Variants in GANC observed in about 807,000 individuals in gnomAD.
GANC encodes glucosidase alpha, neutral C.
GANC carries 117 observed loss-of-function variants against 124.2 expected under a neutral mutation model. The observed-to-expected ratio is 0.94, with a 90% confidence interval of 0.81 to 1.10. The LOEUF is 1.10. Among genes scored for constraint, GANC ranks in the 50% least tolerant of loss-of-function variants. GANC has a pLI of 0.00. For synonymous variants in GANC, 377 were observed against 376.8 expected (o/e 1.00, Z -0.01); for missense variants, 1,140 against 1,095.0 (o/e 1.04, Z -0.58).
chr15:42,316,357 G>A (rs554722284), intron 10 of GANC, among the ~76,000 whole-genome samples: 66 of 152,158 alleles, frequency 4.3e-4, no homozygotes, highest in African/African-American at 1.5e-3. Context: ...GGCTGGGCGC[G>A]CTGATATTTA....
intron 11 of GANC, among the ~76,000 whole-genome samples, chr15:42,323,576 C>T (rs1393307689): frequency 2.0e-5 from 3 of 152,040 alleles, no homozygotes; most frequent in African/African-American, 2.4e-5. Context: ...GATCTCAGCT[C>T]ATTGCATCCT....
intron 6 of GANC, 147 bp from the exon 7 acceptor site, chr15:42,306,399 A>G: frequency 3.2e-6 from 2 of 620,488 alleles, no homozygotes; most frequent in Admixed American, 2.9e-5. Flanking sequence ...GATTTGTTAA[A>G]GGTACTGACG....
intron 2 of GANC, chr15:42,278,121 T>C (rs2051694401): frequency 6.3e-6 from 2 of 315,038 alleles, no homozygotes; most frequent in Non-Finnish European, 1.3e-5. Flanking sequence ...TTATATTTAA[T>C]ATCCACTAGA....
chr15:42,351,437 G>A lies in GANC; in HGVS notation c.2635+5G>A. On this transcript the variant is annotated splice_donor_5th_base_variant and intron_variant, in intron 23 of 23. Coordinates refer to ENST00000318010, the MANE Select transcript of GANC (RefSeq NM_198141.3). ...CTGTGACTACCCACTCATCTGGTGAGAAAGCAGTCCATTCTTACCTCACCA... is the reference window on the plus strand; with the variant it reads ...CTGTGACTACCCACTCATCTGGTGAAAAAGCAGTCCATTCTTACCTCACCA... 6.3e-7 allele frequency: 1 copy of A among 1,594,758 alleles called. No homozygotes were observed.
intron 3 of GANC, chr15:42,280,973 C>A (rs1166818980): frequency 2.8e-6 from 2 of 702,426 alleles, no homozygotes; most frequent in African/African-American, 3.5e-5. Context: ...GCAAAGAAAC[C>A]ACAGTCCAGG....
intron 13 of GANC, among the ~76,000 whole-genome samples, chr15:42,328,585 G>T (rs991807180): frequency 3.9e-5 from 6 of 152,032 alleles, no homozygotes; most frequent in Admixed American, 1.3e-4. Flanking sequence ...ATTCTGTGGG[G>T]TCTCAGAAGG....
intron 15 of GANC, among the ~76,000 whole-genome samples, chr15:42,331,847 T>A (rs1393921130): frequency 1.3e-5 from 2 of 152,056 alleles, no homozygotes; most frequent in Non-Finnish European, 2.9e-5. Flanking sequence ...AAATGGTAGA[T>A]TTAATTGCAT....
intron 2 of GANC, among the ~76,000 whole-genome samples, chr15:42,277,230 AC>A (rs1188856770): frequency 6.6e-6 from 1 of 152,198 alleles, no homozygotes; most frequent in African/African-American, 2.4e-5. Flanking sequence ...ACTCCTATCA[AC>A]ATTATATAAG....
chr15:42,294,606 C>T (rs1418586462), intron 5 of GANC, among the ~76,000 whole-genome samples: 1 of 149,944 alleles, frequency 6.7e-6, no homozygotes, highest in Non-Finnish European at 1.5e-5. Context: ...AATGTGTTTC[C>T]AGTTTTTTGT....
At chr15:42,276,806 A>AT (rs146546876) in intron 2 of GANC, among the ~76,000 whole-genome samples, 1 of 151,804 alleles carries the variant, frequency 6.6e-6, no homozygotes, top group Admixed American at 6.6e-5. Flanking sequence ...TCCTTCCAGT[A>AT]TTTTTTTGTA....
rs766588746 is a variant in GANC, at chr15:42,276,328, C to G, written c.30-20C>G. On this transcript the variant is annotated intron_variant, in intron 1 of 23. Coordinates refer to ENST00000318010, the MANE Select transcript of GANC (RefSeq NM_198141.3). ...CAAGCCCTGTGTGAAATAAATTTCT[C>G]AAAATGTCTTTTTATTTAGTCTTGA... The G allele has an allele frequency of 4.2e-6, 5 of 1,203,042 alleles. No individual in the cohort carries two copies. The South Asian group carries it at 4.9e-5, about 12-fold the overall frequency. 74.5% of individuals were successfully genotyped at this position (1,203,042 alleles called of 1,614,324 possible).
intron 14 of GANC, 101 bp downstream of exon 14, chr15:42,329,550 C>A (rs546397915): frequency 2.4e-6 from 3 of 1,264,446 alleles, no homozygotes; most frequent in African/African-American, 3.0e-5. Context: ...CTGTTCATTT[C>A]TCTTTGTGTG....
At chr15:42,300,455 G>C (rs1028800637) in intron 6 of GANC, among the ~76,000 whole-genome samples, 1 of 152,048 alleles carries the variant, frequency 6.6e-6, no homozygotes, top group East Asian at 1.9e-4. Context: ...AAAAACAATA[G>C]ATGCTGGCGA....
chr15:42,310,352 T>A lies in GANC; in HGVS notation c.792T>A (p.Ile264=). 6.2e-7 allele frequency: 1 copy of A among 1,613,558 alleles called. No homozygotes were observed. The highest frequency in any genetic ancestry group is 8.5e-7 in the Non-Finnish European group (1 of 1,179,630). ...YGYQIYDKMG[I]YGSVPYLLAH... Reference sequence around the variant, plus strand: ...ACCAAATATATGATAAAATGGGCATTTATGGTTCAGTACCTTATCTCCTGG... The same window carrying A: ...ACCAAATATATGATAAAATGGGCATATATGGTTCAGTACCTTATCTCCTGG... Residue 264 remains isoleucine, a synonymous_variant, in exon 9 of 24, where the codon ATT becomes ATA. Transcript: ENST00000318010.
chr15:42,326,192 G>T, intron 11 of GANC, 106 bp from the exon 12 acceptor site: 1 of 725,950 alleles, frequency 1.4e-6, no homozygotes, highest in Non-Finnish European at 2.4e-6. Flanking sequence ...AATACTAGTT[G>T]TAGTTGTTTG....
intron 3 of GANC, 67 bp downstream of exon 3, chr15:42,278,657 A>G (rs2051700894): frequency 1.7e-6 from 2 of 1,148,180 alleles, no homozygotes; most frequent in Non-Finnish European, 2.6e-6. Context: ...AATGAAGTAA[A>G]TTAAAGCTAT....
At chr15:42,330,336 C>T (rs1173017443) in intron 14 of GANC, among the ~76,000 whole-genome samples, 1 of 152,132 alleles carries the variant, frequency 6.6e-6, no homozygotes, top group Non-Finnish European at 1.5e-5. Context: ...CAAAGAAATG[C>T]TAGATGATTG....
chr15:42,337,973 C>T (rs1271665262), intron 15 of GANC, among the ~76,000 whole-genome samples: 2 of 151,964 alleles, frequency 1.3e-5, no homozygotes, highest in Admixed American at 6.6e-5. Context: ...AGGCAGGAGA[C>T]TCACTTGAAC....
chr15:42,300,928 G>A (rs1478868458), intron 6 of GANC, among the ~76,000 whole-genome samples: 2 of 151,520 alleles, frequency 1.3e-5, no homozygotes, highest in African/African-American at 2.4e-5. Context: ...TGAAGCAGGA[G>A]AATCACATGA....
Sources: allele counts gnomAD v4.1 joint callset (sites outside exome capture counted in the v4.1 genomes callset), GRCh38; gene constraint gnomAD v4.1.1; transcripts MANE v1.5; gene names NCBI Gene and HGNC (gene_info 2026-07-23, HGNC 2026-07-21).